The following ZC3H12B variants were observed in gnomAD, a reference collection of about 807,000 sequenced individuals.
ZC3H12B encodes zinc finger CCCH-type containing 12B.
A neutral mutation model predicts 43.9 loss-of-function variants in ZC3H12B; 7 were observed. The observed-to-expected ratio is 0.16, with a 90% confidence interval of 0.09 to 0.30. ZC3H12B has a LOEUF of 0.30. Ranked by LOEUF, ZC3H12B falls within the 10% of genes least tolerant of loss-of-function variation. The pLI, the probability that ZC3H12B is intolerant of heterozygous loss-of-function variation, is 1.00. For synonymous variants in ZC3H12B, 222 were observed against 241.7 expected, an observed-to-expected ratio of 0.92 and a Z score of 0.76; for missense variants, 475 against 670.2, an observed-to-expected ratio of 0.71 and a Z score of 3.22.
At chrX:65,408,656 A>T (rs1177820790) in intron 3 of ZC3H12B, 5 of 1,023,020 alleles carry the variant, frequency 4.9e-6, no homozygotes, top group Non-Finnish European at 6.8e-6. Context: ...AGAGCACCAC[A>T]GAGATGAGAG....
At chrX:65,170,282 T>C in the ZC3H12B span, among the ~76,000 whole-genome samples, 1 of 111,777 alleles carries the variant, frequency 8.9e-6, no homozygotes, top group Non-Finnish European at 1.9e-5. Flanking sequence ...TTATTTCTCC[T>C]TCACTTATGA....
chrX:65,060,082 C>G, the ZC3H12B span, among the ~76,000 whole-genome samples: 1 of 88,977 alleles, frequency 1.1e-5, no homozygotes, highest in Non-Finnish European at 1.9e-5. Context: ...TGCAACTTTG[C>G]TGAATTTATC....
chrX:65,160,178 A>C, the ZC3H12B span, among the ~76,000 whole-genome samples: 3 of 111,989 alleles, frequency 2.7e-5, no homozygotes, highest in Middle Eastern at 4.2e-3. Context: ...TATTTTATTG[A>C]GGATTTTTGC....
chrX:65,108,182 G>C, the ZC3H12B span, among the ~76,000 whole-genome samples: 4 of 111,070 alleles, frequency 3.6e-5, no homozygotes, highest in Non-Finnish European at 7.6e-5. Context: ...ACATACTGTA[G>C]ACTTTATAAA....
chrX:65,095,783 C>T, the ZC3H12B span, among the ~76,000 whole-genome samples: 2 of 111,155 alleles, frequency 1.8e-5, no homozygotes, highest in East Asian at 2.8e-4. Flanking sequence ...TTCTAGCCAT[C>T]CTGTTTCACC....
intron 3 of ZC3H12B, among the ~76,000 whole-genome samples, chrX:65,449,162 G>C (rs1047466075): frequency 9.0e-6 from 1 of 110,693 alleles, no homozygotes; most frequent in African/African-American, 3.3e-5. Context: ...GAGAGGGTAG[G>C]GTGAGGAGAG....
At chrX:65,463,357 T>C (rs997939781) in intron 3 of ZC3H12B, among the ~76,000 whole-genome samples, 2 of 112,254 alleles carry the variant, frequency 1.8e-5, no homozygotes, top group African/African-American at 6.5e-5. Context: ...TTTCACAATA[T>C]TGATTCTACC....
the ZC3H12B span, among the ~76,000 whole-genome samples, chrX:65,279,103 G>A: frequency 1.8e-5 from 2 of 110,768 alleles, no homozygotes; most frequent in Non-Finnish European, 3.8e-5. Flanking sequence ...ACATTTGTGT[G>A]TGTGAGTCTT....
At chrX:65,273,539 G>T in the ZC3H12B span, among the ~76,000 whole-genome samples, 1 of 111,472 alleles carries the variant, frequency 9.0e-6, no homozygotes, top group Non-Finnish European at 1.9e-5. Context: ...TTATTTAAAG[G>T]CATAATGGAT....
chrX:65,457,003 C>A (rs1362784685), intron 3 of ZC3H12B, among the ~76,000 whole-genome samples: 4 of 102,000 alleles, frequency 3.9e-5, no homozygotes, highest in African/African-American at 1.1e-4. Context: ...CGAGGAGCGC[C>A]TCTTCCCCGC....
the ZC3H12B span, among the ~76,000 whole-genome samples, chrX:65,232,276 G>T: frequency 1.8e-5 from 2 of 110,750 alleles, no homozygotes; most frequent in African/African-American, 6.6e-5. Flanking sequence ...TAGGACAGGT[G>T]TGAGAAATTA....
chrX:65,129,257 G>GTATATATATA, the ZC3H12B span, among the ~76,000 whole-genome samples: 1 of 86,004 alleles, frequency 1.2e-5, no homozygotes, highest in African/African-American at 7.5e-5. Context: ...GTGTATATAT[G>GTATATATATA]TATATATATA....
chrX:65,209,532 T>C, the ZC3H12B span, among the ~76,000 whole-genome samples: 1 of 102,023 alleles, frequency 9.8e-6, no homozygotes, highest in Non-Finnish European at 2.0e-5. Flanking sequence ...GATTGCACTG[T>C]GGTCTGAGAG....
intron 3 of ZC3H12B, among the ~76,000 whole-genome samples, chrX:65,456,835 C>T (rs1287452828): frequency 1.1e-4 from 12 of 109,383 alleles, no homozygotes; most frequent in Admixed American, 9.6e-4. Context: ...CCCAAAGTGC[C>T]GAGATTGCAG....
the ZC3H12B span, among the ~76,000 whole-genome samples, chrX:65,255,974 A>T: frequency 8.9e-6 from 1 of 112,756 alleles, no homozygotes; most frequent in Admixed American, 9.4e-5. Flanking sequence ...GCACAATTTA[A>T]CAAGAAGACA....
the ZC3H12B span, among the ~76,000 whole-genome samples, chrX:65,107,709 G>A: frequency 1.8e-5 from 2 of 110,861 alleles, no homozygotes; most frequent in African/African-American, 6.6e-5. Flanking sequence ...GGTTTTATAA[G>A]GGGCTTTCCC....
At chrX:65,356,426 T>C in the ZC3H12B span, among the ~76,000 whole-genome samples, 2,348 of 111,786 alleles carry the variant, frequency 0.021, 126 homozygotes, top group East Asian at 0.19. Context: ...TATATACATA[T>C]AAAAATGCAG....
the ZC3H12B span, among the ~76,000 whole-genome samples, chrX:65,080,610 C>CTAG: frequency 9.0e-6 from 1 of 111,463 alleles, no homozygotes; most frequent in Admixed American, 9.5e-5. Flanking sequence ...AAACTTTCAC[C>CTAG]CTAGAATAGT....
the ZC3H12B span, among the ~76,000 whole-genome samples, chrX:65,151,916 G>C: frequency 3.6e-5 from 4 of 111,842 alleles, no homozygotes; most frequent in Non-Finnish European, 7.5e-5. Context: ...GGGAGGCAAG[G>C]CTGGTTCAAT....
Sources: allele counts gnomAD v4.1 joint callset (sites outside exome capture counted in the v4.1 genomes callset), GRCh38; gene constraint gnomAD v4.1.1; transcripts MANE v1.5; gene names NCBI Gene and HGNC (gene_info 2026-07-23, HGNC 2026-07-21).